Variants in KIF27 observed in about 807,000 individuals in gnomAD.
KIF27 encodes kinesin-like protein KIF27.
In KIF27, 84 loss-of-function variants were observed where a neutral mutation model predicts 141.8. The observed-to-expected ratio is 0.59, with a 90% CI of 0.50 to 0.71. KIF27 has a LOEUF of 0.71. KIF27 is among the 30% of genes least tolerant of loss of function. KIF27 has a pLI of 0.00. For missense variants in KIF27, 1,306 were observed against 1,628.4 expected, an observed-to-expected ratio of 0.80 and a Z score of 3.41; for synonymous variants, 471 against 569.5, an observed-to-expected ratio of 0.83 and a Z score of 2.46.
intron 1 of KIF27, 67 bp downstream of exon 1, chr9:83,921,304 G>A (rs1290815856): frequency 6.7e-6 from 1 of 149,424 alleles, no homozygotes; most frequent in East Asian, 2.0e-4. Context: ...CGGGCTGGAG[G>A]GCGGGCACCG....
At chr9:83,919,040 C>A (rs757251160) in intron 1 of KIF27, among the ~76,000 whole-genome samples, 8 of 152,096 alleles carry the variant, frequency 5.3e-5, no homozygotes, top group Non-Finnish European at 8.8e-5. Flanking sequence ...CGAACCACTG[C>A]ACTCCATCCT....
In KIF27 at chr9:83,915,697, A is replaced by G; in HGVS notation, c.-87-19T>C. 8.4e-7 allele frequency: 1 copy of G among 1,186,838 alleles called. No individual in the cohort carries two copies. Among genetic ancestry groups the G allele is most frequent in the Non-Finnish European group, 1.2e-6 (1 of 858,582 alleles). 73.5% of individuals were successfully genotyped at this position (1,186,838 alleles called of 1,614,324 possible). On this transcript the variant is annotated intron_variant, in intron 1 of 17. Coordinates refer to ENST00000297814, the MANE Select transcript of KIF27 (RefSeq NM_017576.4). ...TGGATTCCTGTGCAACAAAAATAAA[A>G]AGCAAATTTTAATTACTGATTCCTT...
rs755230514 is a variant in KIF27, at chr9:83,867,748, G to A, written c.2870C>T (p.Ser957Phe). 28 of 1,612,942 alleles carry A rather than the reference G, an allele frequency of 1.7e-5. No homozygotes were observed. The highest frequency in any genetic ancestry group is 2.3e-5 in the Non-Finnish European group (27 of 1,179,604). The change falls in exon 13 of 18, where the codon TCT (serine) becomes TTT (phenylalanine). Residue 957 changes from serine (S) to phenylalanine (F), a missense_variant. This residue lies in a region of KIF27 where 596 missense variants were observed against 751.6 expected (regional missense o/e 0.79). Coordinates refer to ENST00000297814, the MANE Select transcript of KIF27 (RefSeq NM_017576.4). ...ADLKKREAIVSKKEALLQEKS... is the reference protein window; with the variant it reads ...ADLKKREAIVFKKEALLQEKS... ...CTCCTGTAACAGAGCCTCCTTCTTAGAAACTATGGCCTCCCGTTTCTTTAA... is the reference window on the plus strand; with the variant it reads ...CTCCTGTAACAGAGCCTCCTTCTTAAAAACTATGGCCTCCCGTTTCTTTAA...
At chr9:83,866,484 G>A (rs1398430788) in intron 13 of KIF27, among the ~76,000 whole-genome samples, 2 of 151,702 alleles carry the variant, frequency 1.3e-5, no homozygotes, top group African/African-American at 4.8e-5. Flanking sequence ...TTTGTCCTCT[G>A]TTATCTCCTC....
intron 5 of KIF27, among the ~76,000 whole-genome samples, chr9:83,892,677 C>A (rs1463528320): frequency 6.6e-6 from 1 of 151,960 alleles, no homozygotes; most frequent in African/African-American, 2.4e-5. Context: ...AGAAACATAT[C>A]TAAAATAGAC....
intron 5 of KIF27, among the ~76,000 whole-genome samples, chr9:83,896,922 G>A (rs185916694): frequency 1.3e-5 from 2 of 152,192 alleles, no homozygotes; most frequent in African/African-American, 4.8e-5. Flanking sequence ...GAGGAAAGGA[G>A]GAAAATGAGG....
chr9:83,870,495 A>T, intron 12 of KIF27, 24 bp downstream of exon 12: 2 of 1,613,218 alleles, frequency 1.2e-6, no homozygotes, highest in African/African-American at 2.7e-5. Context: ...AGAAACCAGG[A>T]AACACTAAAT....
At chr9:83,840,950 T>A (rs186143534) in intron 17 of KIF27, among the ~76,000 whole-genome samples, 339 of 152,340 alleles carry the variant, frequency 2.2e-3, no homozygotes, top group African/African-American at 4.9e-3. Context: ...TTGCCTTCTC[T>A]AAGCGTCAGT....
At chr9:83,867,372 A>ATC (rs1950448114) in intron 13 of KIF27, among the ~76,000 whole-genome samples, 1 of 149,432 alleles carries the variant, frequency 6.7e-6, no homozygotes, top group African/African-American at 2.5e-5. Flanking sequence ...ACATACAGAG[A>ATC]TAGATCTATC....
chr9:83,838,147 A>G (rs186962016), intron 17 of KIF27, among the ~76,000 whole-genome samples: 2 of 152,350 alleles, frequency 1.3e-5, no homozygotes, highest in Admixed American at 6.5e-5. Context: ...AAATGCATAC[A>G]AGTACTAGAC....
In KIF27 at chr9:83,836,993, T is replaced by C. The variant is rs754124489; in HGVS notation, c.*8A>G. 12 of 1,612,388 alleles carry C rather than the reference T, an allele frequency of 7.4e-6. 1 individual carries two copies. In the South Asian group the frequency reaches 1.2e-4, roughly 16 times the overall value. ...TACATATCTACTAAAAGTTCTATTATTCAATGTCTAAGTTTTTAAGTCCCT... is the reference window on the plus strand; with the variant it reads ...TACATATCTACTAAAAGTTCTATTACTCAATGTCTAAGTTTTTAAGTCCCT... On this transcript the variant is annotated 3_prime_UTR_variant, in exon 18 of 18. Coordinates refer to ENST00000297814, the MANE Select transcript of KIF27 (RefSeq NM_017576.4).
At position 83,859,335 on chromosome 9, in the gene KIF27, G is replaced by C; in HGVS notation, c.2971C>G (p.Leu991Val). ...NTDSLKISTR[L>V]NLLEQELSEK... ...GACAACTCTTGTTCCAGTAAGTTCA[G>C]GCGAGTTGATATTTTCAAACTATCT... is the stretch of plus-strand genomic sequence containing the variant. The change falls in exon 14 of 18, where the codon CTG becomes GTG. Residue 991 changes from leucine (L) to valine (V), a missense_variant. By Grantham distance (32) the Leu-to-Val change is conservative. Around this residue, in one of 4 missense-constraint regions of KIF27, gnomAD observed 596 missense variants for 751.6 expected, o/e 0.79. Coordinates refer to ENST00000297814, the MANE Select transcript of KIF27 (RefSeq NM_017576.4). 6.2e-7 allele frequency: 1 copy of C among 1,614,052 alleles called. No individual in the cohort carries two copies. Among genetic ancestry groups the C allele is most frequent in the Non-Finnish European group, 8.5e-7 (1 of 1,180,000 alleles).
intron 16 of KIF27, among the ~76,000 whole-genome samples, chr9:83,848,319 ATATCTATATATCTATATATATCTATG>A (rs1293323426): frequency 5.3e-5 from 6 of 113,898 alleles, no homozygotes; most frequent in Admixed American, 9.0e-5. Context: ...GATATATCAT[ATATCTATATATCTATATATATCTATG>A]TATCTATATA....
At chr9:83,899,328 T>C (rs1238888420) in intron 5 of KIF27, among the ~76,000 whole-genome samples, 9 of 152,206 alleles carry the variant, frequency 5.9e-5, no homozygotes, top group Non-Finnish European at 1.3e-4. Context: ...AAATTATGTA[T>C]TTACCATCCA....
intron 11 of KIF27, among the ~76,000 whole-genome samples, chr9:83,875,268 T>C (rs188003384): frequency 6.6e-6 from 1 of 152,356 alleles, no homozygotes; most frequent in African/African-American, 2.4e-5. Flanking sequence ...TAATGGTTCA[T>C]TGGATATGCA....
intron 3 of KIF27, among the ~76,000 whole-genome samples, chr9:83,907,954 C>T (rs1954729293): frequency 6.6e-6 from 1 of 152,134 alleles, no homozygotes; most frequent in African/African-American, 2.4e-5. Context: ...ACTACTTTTT[C>T]ATCTGAGTGA....
At chr9:83,917,870 G>C (rs1356789813) in intron 1 of KIF27, among the ~76,000 whole-genome samples, 3 of 152,070 alleles carry the variant, frequency 2.0e-5, no homozygotes, top group African/African-American at 7.2e-5. Context: ...AACTCTTTAT[G>C]ACCTTGGATT....
At chr9:83,906,517 G>C (rs1954552948) in intron 3 of KIF27, among the ~76,000 whole-genome samples, 1 of 152,052 alleles carries the variant, frequency 6.6e-6, no homozygotes, top group African/African-American at 2.4e-5. Flanking sequence ...AAAGCAGGCA[G>C]ATCTCTTGAG....
chr9:83,890,580 T>C (rs1470559006), intron 6 of KIF27, among the ~76,000 whole-genome samples: 1 of 152,212 alleles, frequency 6.6e-6, no homozygotes, highest in African/African-American at 2.4e-5. Flanking sequence ...ATTATAGTAT[T>C]CATACCACCC....
Sources: allele counts gnomAD v4.1 joint callset (sites outside exome capture counted in the v4.1 genomes callset), GRCh38; gene constraint gnomAD v4.1.1; regional missense constraint gnomAD v4.1.1; transcripts MANE v1.5; gene names NCBI Gene and HGNC (gene_info 2026-07-23, HGNC 2026-07-21).